The following ATE1 variants were observed in gnomAD, a reference collection of about 807,000 sequenced individuals.
ATE1 encodes the protein arginyltransferase 1.
In ATE1, 36 loss-of-function variants were observed where a neutral mutation model predicts 70.5. The observed-to-expected ratio is 0.51, with a 90% CI of 0.39 to 0.67. The LOEUF (loss-of-function observed/expected upper bound fraction) is 0.67. ATE1 is among the 30% of genes least tolerant of loss of function. The pLI, the probability that ATE1 is intolerant of heterozygous loss-of-function variation, is 0.00. For synonymous variants in ATE1, 232 were observed against 219.3 expected (o/e 1.06, Z -0.51); for missense variants, 593 against 629.5 (o/e 0.94, Z 0.62).
At chr10:121,812,450 T>C (rs1947363968) in intron 10 of ATE1, among the ~76,000 whole-genome samples, 1 of 152,116 alleles carries the variant, frequency 6.6e-6, no homozygotes, top group Non-Finnish European at 1.5e-5. Context: ...GAGGAGGATG[T>C]CCTTATTCTC....
At chr10:121,879,583 G>A (rs900309857) in intron 7 of ATE1, among the ~76,000 whole-genome samples, 3 of 152,176 alleles carry the variant, frequency 2.0e-5, no homozygotes, top group African/African-American at 7.2e-5. Context: ...AACTACTCGT[G>A]AATTCAACGA....
chr10:121,807,927 C>T (rs1268913244), intron 10 of ATE1, among the ~76,000 whole-genome samples: 1 of 151,888 alleles, frequency 6.6e-6, no homozygotes, highest in Non-Finnish European at 1.5e-5. Context: ...CACACACTGC[C>T]TGTGGCTGCA....
intron 8 of ATE1, among the ~76,000 whole-genome samples, chr10:121,845,702 G>A (rs546664189): frequency 1.3e-5 from 2 of 152,122 alleles, no homozygotes; most frequent in Non-Finnish European, 2.9e-5. Context: ...GTAAATGGAT[G>A]GCAGACAGTA....
rs565912876 is a variant in ATE1 at position 121,808,640 on chromosome 10, A to T, written c.1258-18351T>A. Among the ~76,000 whole-genome samples, 13 of 152,350 alleles carry T rather than the reference A, an allele frequency of 8.5e-5. 1 individual carries two copies. The highest frequency in any genetic ancestry group is 3.1e-4 in the African/African-American group (13 of 41,584). On this transcript the variant is annotated intron_variant, in intron 10 of 11. Transcript: ENST00000224652. ...TATCTTCAACTATAAATATTATAGA[A>T]TAATTTATAGCAAAAGCCACCTTAT...
intron 8 of ATE1, chr10:121,846,650 A>G (rs1948833623): frequency 6.6e-6 from 1 of 152,202 alleles, no homozygotes; most frequent in African/African-American, 2.4e-5. Flanking sequence ...CAACCAGTAC[A>G]GATTTCTTTG....
chr10:121,761,969 T>C (rs2901297), intron 11 of ATE1, among the ~76,000 whole-genome samples: 125,850 of 152,090 alleles, frequency 0.83, 52,427 homozygotes, highest in Non-Finnish European at 0.89. Context: ...GAGCATTTAC[T>C]TAATGGCCAT....
In ATE1 at chr10:121,905,259, T is replaced by A. The variant is rs544857690; in HGVS notation, c.584-2639A>T. ...TAGGGTTAACTATTATTATTAGCTA[T>A]TATTTGTATTACCAACATCTAAAAT... On this transcript the variant is annotated intron_variant, in intron 5 of 11. Coordinates refer to ENST00000224652, the MANE Select transcript of ATE1 (RefSeq NM_001001976.3). Among the ~76,000 whole-genome samples, 106 of 152,360 alleles carry A rather than the reference T, an allele frequency of 7.0e-4. No individual in the cohort carries two copies. The South Asian group carries it at 7.5e-3, about 11-fold the overall frequency.
chr10:121,927,825 G>A lies in ATE1; in HGVS notation c.106+19C>T. On this transcript the variant is annotated intron_variant, in intron 1 of 11. Coordinates refer to ENST00000224652, the MANE Select transcript of ATE1 (RefSeq NM_001001976.3). ...CCCGGGCGCCCGGCTTCCCACGCCC[G>A]CCGGCCCGGCTCGCTCACCATTGGA... 6.5e-7 allele frequency: 1 copy of A among 1,546,598 alleles called. No homozygotes were observed. The highest frequency in any genetic ancestry group is 8.7e-7 in the Non-Finnish European group (1 of 1,148,120).
At chr10:121,904,956 A>G (rs1157905168) in intron 5 of ATE1, among the ~76,000 whole-genome samples, 1 of 152,200 alleles carries the variant, frequency 6.6e-6, no homozygotes, top group African/African-American at 2.4e-5. Flanking sequence ...CCAGGTAACA[A>G]AAGACCATTT....
intron 3 of ATE1, among the ~76,000 whole-genome samples, chr10:121,914,300 CGT>C (rs1951556428): frequency 6.6e-6 from 1 of 151,886 alleles, no homozygotes; most frequent in African/African-American, 2.4e-5. Flanking sequence ...CTCCTGAACT[CGT>C]GATCCACCTG....
Position 121,748,630 on chromosome 10 carries a change from A to C in ATE1, c.1379-4772T>G, listed in dbSNP as rs112223172. ...TTTATAGAGTTATGGCACAGAAATT[A>C]ATCAAGTTCAATAGTTTTTTTGTTT... On this transcript the variant is annotated intron_variant, in intron 11 of 11. Transcript: ENST00000224652. Among the ~76,000 whole-genome samples, 27 of 152,246 alleles carry C rather than the reference A, an allele frequency of 1.8e-4. 3 individuals are homozygous for C. The highest frequency in any genetic ancestry group is 6.5e-4 in the African/African-American group (27 of 41,540).
rs7076350 is a variant in ATE1, at chr10:121,889,025, A to T, written c.942+10841T>A. On this transcript the variant is annotated intron_variant, in intron 7 of 11. Coordinates refer to ENST00000224652, the MANE Select transcript of ATE1 (RefSeq NM_001001976.3). ...TAGTAATCAACTTATTTATTTATTT[A>T]TTTTTTTGAGACAGAGTCTCATTCT... Among the ~76,000 whole-genome samples, 1,189 of 152,110 alleles carry T rather than the reference A, an allele frequency of 7.8e-3. 17 individuals carry two copies. The highest frequency in any genetic ancestry group is 0.028 in the African/African-American group (1,147 of 41,510).
At chr10:121,848,612 C>CCCTCT in intron 8 of ATE1, among the ~76,000 whole-genome samples, 1 of 117,450 alleles carries the variant, frequency 8.5e-6, no homozygotes, top group East Asian at 2.6e-4. Context: ...GAGTGAAACT[C>CCCTCT]AAAAAAAAAA....
intron 5 of ATE1, among the ~76,000 whole-genome samples, chr10:121,904,447 C>T (rs1010861340): frequency 1.3e-5 from 2 of 151,002 alleles, no homozygotes; most frequent in African/African-American, 4.9e-5. Flanking sequence ...TGAGACCAAC[C>T]TGGCTAACAC....
At chr10:121,851,388 C>T (rs1355141279) in intron 8 of ATE1, among the ~76,000 whole-genome samples, 1 of 152,098 alleles carries the variant, frequency 6.6e-6, no homozygotes, top group Non-Finnish European at 1.5e-5. Flanking sequence ...CCACTGCACT[C>T]CAGCTTGGGC....
chr10:121,879,739 C>G (rs1206971480), intron 7 of ATE1, among the ~76,000 whole-genome samples: 1 of 152,172 alleles, frequency 6.6e-6, no homozygotes, highest in Non-Finnish European at 1.5e-5. Flanking sequence ...ATTCCATAAA[C>G]AGAGAGAAGC....
chr10:121,745,818 C>G (rs1944347370), intron 11 of ATE1, among the ~76,000 whole-genome samples: 1 of 152,154 alleles, frequency 6.6e-6, no homozygotes, highest in South Asian at 2.1e-4. Flanking sequence ...AACACTCTCT[C>G]TTAGAAACTG....
At chr10:121,826,164 G>A (rs914542374) in intron 10 of ATE1, among the ~76,000 whole-genome samples, 6 of 152,168 alleles carry the variant, frequency 3.9e-5, no homozygotes, top group African/African-American at 1.4e-4. Flanking sequence ...TGGGTACAGA[G>A]TACTGATTGT....
chr10:121,818,168 G>A (rs190674289), intron 10 of ATE1, among the ~76,000 whole-genome samples: 2 of 136,426 alleles, frequency 1.5e-5, no homozygotes, highest in Admixed American at 1.6e-4. Flanking sequence ...GGAGGCTGAG[G>A]ATGACTTGAG....
Sources: allele counts gnomAD v4.1 joint callset (sites outside exome capture counted in the v4.1 genomes callset), GRCh38; gene constraint gnomAD v4.1.1; transcripts MANE v1.5; gene names NCBI Gene and HGNC (gene_info 2026-07-23, HGNC 2026-07-21).